The following LRBA variants were observed in gnomAD, a reference collection of about 807,000 sequenced individuals.
The protein encoded by LRBA is lipopolysaccharide-responsive and beige-like anchor protein.
LRBA carries 176 observed loss-of-function variants against 330.0 expected under a neutral mutation model. That is an observed-to-expected ratio of 0.53 (90% CI 0.47 to 0.60). LRBA has a LOEUF of 0.60. Ranked by LOEUF, LRBA falls within the 20% of genes least tolerant of loss-of-function variation. The pLI, the probability that LRBA is intolerant of heterozygous loss-of-function variation, is 0.00. For missense variants in LRBA, 3,259 were observed against 3,444.8 expected (o/e 0.95, Z 1.35); for synonymous variants, 1,230 against 1,193.0 (o/e 1.03, Z -0.64).
At chr4:150,413,233 T>C (rs1747267132) in intron 47 of LRBA, among the ~76,000 whole-genome samples, 1 of 152,032 alleles carries the variant, frequency 6.6e-6, no homozygotes, top group Non-Finnish European at 1.5e-5. Context: ...AGGGAAAAAC[T>C]GAAACTTCAT....
chr4:150,834,603 T>G (rs527265936), intron 28 of LRBA, among the ~76,000 whole-genome samples: 1 of 152,294 alleles, frequency 6.6e-6, no homozygotes, highest in South Asian at 2.1e-4. Flanking sequence ...TTATCTAGGC[T>G]TTGTCCTTCC....
At chr4:150,592,950 G>T (rs1274868373) in intron 38 of LRBA, among the ~76,000 whole-genome samples, 1 of 151,508 alleles carries the variant, frequency 6.6e-6, no homozygotes, top group African/African-American at 2.4e-5. Flanking sequence ...TTTTTTAAAG[G>T]CTAAAAAGAA....
chr4:150,608,426 G>C (rs867516839), intron 37 of LRBA, among the ~76,000 whole-genome samples: 2 of 152,120 alleles, frequency 1.3e-5, no homozygotes, highest in South Asian at 4.1e-4. Flanking sequence ...GTGCCTTACA[G>C]TCAATAAGAT....
At chr4:150,339,448 T>C (rs1431159194) in intron 48 of LRBA, among the ~76,000 whole-genome samples, 11 of 152,180 alleles carry the variant, frequency 7.2e-5, no homozygotes, top group Admixed American at 7.2e-4. Context: ...CATGTTAACA[T>C]ACATTGCTTG....
intron 37 of LRBA, among the ~76,000 whole-genome samples, chr4:150,610,805 T>C (rs1775181791): frequency 6.6e-6 from 1 of 152,250 alleles, no homozygotes; most frequent in Admixed American, 6.5e-5. Flanking sequence ...CATTGACTCA[T>C]TGGGAAATCA....
chr4:150,310,963 A>T (rs1730984349), intron 51 of LRBA: 1 of 152,230 alleles, frequency 6.6e-6, no homozygotes, highest in African/African-American at 2.4e-5. Flanking sequence ...TTTATTAAAG[A>T]TTCCTGTAAT....
At chr4:150,725,782 CATAG>C (rs2127101011) in intron 36 of LRBA, among the ~76,000 whole-genome samples, 1 of 152,220 alleles carries the variant, frequency 6.6e-6, no homozygotes, top group African/African-American at 2.4e-5. Context: ...CTTTTCCAGA[CATAG>C]ATAGTACAGT....
chr4:150,428,305 A>G (rs551977370), intron 46 of LRBA, among the ~76,000 whole-genome samples: 27 of 152,192 alleles, frequency 1.8e-4, no homozygotes, highest in African/African-American at 6.3e-4. Flanking sequence ...TAGGTTTTTA[A>G]GTGAAAAATC....
At chr4:150,647,028 A>T (rs559909254) in intron 37 of LRBA, among the ~76,000 whole-genome samples, 1 of 152,218 alleles carries the variant, frequency 6.6e-6, no homozygotes, top group East Asian at 1.9e-4. Flanking sequence ...CATGGTCCTG[A>T]AGCACCAGAA....
intron 2 of LRBA, among the ~76,000 whole-genome samples, chr4:151,011,529 C>G (rs567870474): frequency 4.9e-4 from 71 of 143,846 alleles, no homozygotes; most frequent in African/African-American, 1.7e-3. Flanking sequence ...ACTCAGGAGG[C>G]AGAGGTTGCA....
intron 37 of LRBA, among the ~76,000 whole-genome samples, chr4:150,625,387 G>A (rs1373469633): frequency 6.6e-6 from 1 of 152,156 alleles, no homozygotes; most frequent in African/African-American, 2.4e-5. Context: ...CTTTTTCAAG[G>A]AGCAGGCAGA....
intron 40 of LRBA, among the ~76,000 whole-genome samples, chr4:150,566,221 T>C (rs1021696119): frequency 7.2e-5 from 11 of 152,066 alleles, no homozygotes; most frequent in Admixed American, 5.9e-4. Context: ...ATCATGTCTC[T>C]AAAAAAATAA....
chr4:150,488,325 A>T (rs759584313), intron 41 of LRBA, among the ~76,000 whole-genome samples: 6 of 151,728 alleles, frequency 4.0e-5, no homozygotes, highest in Non-Finnish European at 5.9e-5. Flanking sequence ...TTTATTTCCA[A>T]TCATTAAGTT....
At chr4:150,581,108 A>G (rs1444377590) in intron 40 of LRBA, 1 of 180,624 alleles carries the variant, frequency 5.5e-6, no homozygotes, top group Non-Finnish European at 1.2e-5. Context: ...ACTAAGTTCT[A>G]CGACATGTAA....
intron 2 of LRBA, among the ~76,000 whole-genome samples, chr4:150,989,597 AGC>A (rs1741845286): frequency 1.3e-5 from 2 of 152,136 alleles, no homozygotes; most frequent in Non-Finnish European, 2.9e-5. Flanking sequence ...CGGGCGACAG[AGC>A]GAGACTCCAT....
intron 40 of LRBA, among the ~76,000 whole-genome samples, chr4:150,495,787 C>A (rs1759517878): frequency 6.6e-6 from 1 of 152,154 alleles, no homozygotes; most frequent in African/African-American, 2.4e-5. Flanking sequence ...ACTGACAGCA[C>A]CTTAGACAGA....
intron 37 of LRBA, among the ~76,000 whole-genome samples, chr4:150,602,793 A>G (rs1774252045): frequency 1.3e-5 from 2 of 152,214 alleles, no homozygotes; most frequent in Non-Finnish European, 2.9e-5. Flanking sequence ...AAAAGGTTAT[A>G]AAGTAATTAA....
chr4:150,933,275 C>G (rs1292484545), intron 2 of LRBA, among the ~76,000 whole-genome samples: 2 of 151,462 alleles, frequency 1.3e-5, no homozygotes, highest in African/African-American at 4.9e-5. Context: ...GTAATCCCAA[C>G]TACTTGGGAG....
chr4:150,545,043 C>T (rs1011113080), intron 40 of LRBA, among the ~76,000 whole-genome samples: 1 of 152,128 alleles, frequency 6.6e-6, no homozygotes, highest in African/African-American at 2.4e-5. Flanking sequence ...TCATATTCCT[C>T]TTCTGTAAAA....
Sources: allele counts gnomAD v4.1 joint callset (sites outside exome capture counted in the v4.1 genomes callset), GRCh38; gene constraint gnomAD v4.1.1; transcripts MANE v1.5; gene names NCBI Gene and HGNC (gene_info 2026-07-23, HGNC 2026-07-21).